Variants in PPP2R2B observed in about 807,000 individuals in gnomAD.
PPP2R2B encodes the protein serine/threonine-protein phosphatase 2A 55 kDa regulatory subunit B beta isoform.
In PPP2R2B, 5 loss-of-function variants were observed where a neutral mutation model predicts 46.0. The ratio of observed to expected loss-of-function variants is 0.11; its 90% CI spans 0.06 to 0.23. The LOEUF (loss-of-function observed/expected upper bound fraction) is 0.23. PPP2R2B is among the 10% of genes least tolerant of loss of function. PPP2R2B has a pLI of 1.00. For missense variants in PPP2R2B, 367 were observed against 575.0 expected, an observed-to-expected ratio of 0.64 and a Z score of 3.70; for synonymous variants, 215 against 206.7, an observed-to-expected ratio of 1.04 and a Z score of -0.34.
chr5:146,878,365 T>A lies in PPP2R2B; in HGVS notation c.-124-170A>T, dbSNP rs1347893571. ...TGCGCCTGCCTCCGCTGCCTCCGGG[T>A]GCCAAGATACGCCGTGCCCCGAGGG... On this transcript the variant is annotated intron_variant, in intron 1 of 9. Coordinates refer to ENST00000394411, the MANE Select transcript of PPP2R2B (RefSeq NM_181675.4). The surrounding 1 kb of genome is among the most constrained non-coding windows in gnomAD (Gnocchi z 4.5). 7.0e-7 allele frequency: 1 copy of A among 1,434,728 alleles called. No individual in the cohort carries two copies. The highest frequency in any genetic ancestry group is 1.5e-5 in the South Asian group (1 of 66,804). The allele number at this position is 1,434,728 out of a possible 1,614,324, so 88.9% of individuals were successfully genotyped here. A position where few individuals can be genotyped will look rare whatever the true frequency, so the allele number is the denominator to read the frequency against.
At chr5:146,683,602 T>A (rs888225816) in intron 5 of PPP2R2B, among the ~76,000 whole-genome samples, 48 of 152,340 alleles carry the variant, frequency 3.2e-4, no homozygotes, top group African/African-American at 1.0e-3. Context: ...CTGAAGTAGT[T>A]CCTTTGGCTG....
chr5:146,821,166 CTA>C (rs934067212), intron 2 of PPP2R2B, among the ~76,000 whole-genome samples: 5 of 152,116 alleles, frequency 3.3e-5, no homozygotes, highest in African/African-American at 9.6e-5. Context: ...TCTCCAACAC[CTA>C]TATATATATC....
chr5:146,843,428 A>G (rs1032775551), intron 2 of PPP2R2B, among the ~76,000 whole-genome samples: 1 of 152,226 alleles, frequency 6.6e-6, no homozygotes, highest in African/African-American at 2.4e-5. Flanking sequence ...TAGAGTAGAT[A>G]AGGTTTCAAA....
In PPP2R2B at chr5:146,588,897, T is replaced by TTGA. The variant is rs1251326487; in HGVS notation, c.*1047_*1049dup. The TTGA allele has an allele frequency of 3.3e-5, 5 of 152,002 alleles. No individual in the cohort carries two copies. Among genetic ancestry groups the TTGA allele is most frequent in the Non-Finnish European group, 5.9e-5 (4 of 68,028 alleles). The allele number at this position is 152,002 out of a possible 1,614,324, so 9.4% of individuals were successfully genotyped here. Reference sequence around the variant, plus strand: ...ATTTTTGTTCTAGGTACAATGGAGGTTGATGGATTGTTACTTTTGGTTACC... The same window carrying TTGA: ...ATTTTTGTTCTAGGTACAATGGAGGTTGATGATGGATTGTTACTTTTGGTTACC... On this transcript the variant is annotated 3_prime_UTR_variant, in exon 10 of 10. Transcript: ENST00000394411.
intron 7 of PPP2R2B, among the ~76,000 whole-genome samples, chr5:146,634,213 CT>C (rs1339234786): frequency 6.6e-6 from 1 of 152,196 alleles, no homozygotes; most frequent in Non-Finnish European, 1.5e-5. Flanking sequence ...GCTGACCCTC[CT>C]GCAAGGGAAA....
intron 2 of PPP2R2B, among the ~76,000 whole-genome samples, chr5:146,727,874 C>T (rs113520589): frequency 0.024 from 3,615 of 152,002 alleles, 134 homozygotes; most frequent in African/African-American, 0.079. Context: ...ATCTCAACCC[C>T]CAACTCCGAA....
chr5:146,755,980 C>T lies in PPP2R2B; in HGVS notation c.71-54838G>A, dbSNP rs575031920. On this transcript the variant is annotated intron_variant, in intron 2 of 9. Coordinates refer to ENST00000394411, the MANE Select transcript of PPP2R2B (RefSeq NM_181675.4). ...GCACATTCATTTCAAAAATCCCTTT[C>T]ATGTATCATTTAAAAGCAGCCTGCA... 3.3e-5 allele frequency among the ~76,000 whole-genome samples: 5 copies of T among 152,280 alleles called. No individual in the cohort carries two copies. The South Asian group carries it at 1.0e-3, about 32-fold the overall frequency.
At chr5:146,968,596 T>C (rs760287030) in intron 1 of PPP2R2B, among the ~76,000 whole-genome samples, 17 of 152,256 alleles carry the variant, frequency 1.1e-4, no homozygotes, top group Admixed American at 5.9e-4. Context: ...GTGTCAATAA[T>C]AGAAGAGTTC....
Position 146,900,560 on chromosome 5 carries a change from TTC to T in PPP2R2B, c.79+155103_79+155104del, listed in dbSNP as rs1762797501. On this transcript the variant is annotated intron_variant, in intron 1 of 8. Transcript: ENST00000336640. ...CCTTTCTTTTTCCTTCCTTTCTTCC[TTC>T]CTTCCTTCCTTCCTTCCTTCCTTCC... Among the ~76,000 whole-genome samples the T allele has an allele frequency of 4.6e-5, 6 of 130,962 alleles. No homozygotes were observed. In the South Asian group the frequency reaches 8.5e-4, roughly 19 times the overall value. 85.9% of individuals were successfully genotyped at this position (130,962 alleles called of 152,430 possible).
chr5:147,028,810 T>C (rs984867614), intron 1 of PPP2R2B, among the ~76,000 whole-genome samples: 9 of 152,254 alleles, frequency 5.9e-5, no homozygotes, highest in Non-Finnish European at 1.3e-4. Context: ...ATGAGATTTT[T>C]AGTATCACAA....
chr5:146,675,537 G>C (rs925241239), intron 5 of PPP2R2B, among the ~76,000 whole-genome samples: 3 of 152,304 alleles, frequency 2.0e-5, no homozygotes, highest in Admixed American at 2.0e-4. Context: ...TTACAAGGTA[G>C]AGAAATCTAG....
chr5:146,626,875 C>T (rs1774101371), intron 7 of PPP2R2B, among the ~76,000 whole-genome samples: 1 of 152,174 alleles, frequency 6.6e-6, no homozygotes, highest in African/African-American at 2.4e-5. Flanking sequence ...ATTAATAAGC[C>T]TTCTGGTTCT....
upstream of PPP2R2B, chr5:146,879,015 A>G (rs1328472146): frequency 4.8e-6 from 4 of 836,108 alleles, no homozygotes; most frequent in Non-Finnish European, 6.1e-6. Flanking sequence ...CGTCTACGCT[A>G]GCACCCAGAG....
intron 9 of PPP2R2B, among the ~76,000 whole-genome samples, chr5:146,590,985 C>T (rs1770587891): frequency 1.3e-5 from 2 of 152,164 alleles, no homozygotes; most frequent in African/African-American, 4.8e-5. Flanking sequence ...GGCATAGCTG[C>T]AATCGATCAG....
chr5:146,600,143 G>T, intron 8 of PPP2R2B, 148 bp downstream of exon 8: 1 of 803,288 alleles, frequency 1.2e-6, no homozygotes, highest in East Asian at 2.6e-5. Context: ...TAAATCCTGT[G>T]GCACTTATAG....
In PPP2R2B at chr5:146,706,564, C is replaced by G. The variant is rs1581919243; in HGVS notation, c.71-5422G>C. The stretch of plus-strand genomic sequence containing the variant: ...GTCTGCTGAAGGGCGGCCTCCAGCT[C>G]GGACAGCTTAGCGTTGGCATCCTTA... On this transcript the variant is annotated intron_variant, in intron 2 of 9. Coordinates refer to ENST00000394411, the MANE Select transcript of PPP2R2B (RefSeq NM_181675.4). The G allele has an allele frequency of 8.5e-6, 8 of 946,294 alleles. No homozygotes were observed. The South Asian group carries it at 8.9e-5, about 11-fold the overall frequency. The allele number at this position is 946,294 out of a possible 1,614,324, so 58.6% of individuals were successfully genotyped here.
upstream of PPP2R2B, among the ~76,000 whole-genome samples, chr5:147,058,166 C>T (rs368140091): frequency 4.8e-4 from 73 of 152,178 alleles, no homozygotes; most frequent in South Asian, 5.4e-3. Context: ...GTAAGTGAAT[C>T]GATGAATGGA....
At chr5:146,852,195 C>G (rs1355215415) in intron 2 of PPP2R2B, among the ~76,000 whole-genome samples, 3 of 151,978 alleles carry the variant, frequency 2.0e-5, no homozygotes, top group African/African-American at 7.2e-5. Context: ...GGACAGGAAG[C>G]TGGGAGAATC....
intron 2 of PPP2R2B, among the ~76,000 whole-genome samples, chr5:146,701,482 T>G (rs1293236987): frequency 6.6e-6 from 1 of 152,206 alleles, no homozygotes; most frequent in Non-Finnish European, 1.5e-5. Flanking sequence ...AGACCCTTCG[T>G]GCATCCACGG....
Sources: gnomAD v4.1 joint callset for allele counts (sites outside exome capture counted in the v4.1 genomes callset) on GRCh38, gnomAD v4.1.1 for gene constraint, Gnocchi (gnomAD v3.1) non-coding constraint, MANE v1.5 for transcripts, NCBI Gene and HGNC (gene_info 2026-07-23, HGNC 2026-07-21) for gene names.